Variants in ENTREP2 observed in about 807,000 individuals in gnomAD.
ENTREP2 encodes the protein protein ENTREP2.
At chr15:29,454,523 C>A in the ENTREP2 span, among the ~76,000 whole-genome samples, 1 of 152,224 alleles carries the variant, frequency 6.6e-6, no homozygotes, top group African/African-American at 2.4e-5. Context: ...ATCTCAGTGA[C>A]CCTCTCTTTG....
the ENTREP2 span, among the ~76,000 whole-genome samples, chr15:29,358,122 G>A: frequency 1.3e-5 from 2 of 152,092 alleles, no homozygotes; most frequent in Non-Finnish European, 2.9e-5. Flanking sequence ...GAGGAGACGG[G>A]CATTTAAACA....
the ENTREP2 span, among the ~76,000 whole-genome samples, chr15:29,520,339 A>G: frequency 6.6e-6 from 1 of 152,242 alleles, no homozygotes; most frequent in Non-Finnish European, 1.5e-5. Context: ...AGTCTCAACT[A>G]AAGCTGACCA....
At chr15:29,136,664 G>GTT in the ENTREP2 span, among the ~76,000 whole-genome samples, 12 of 134,732 alleles carry the variant, frequency 8.9e-5, no homozygotes, top group Non-Finnish European at 1.5e-4. Flanking sequence ...TTGCACTTTT[G>GTT]TTTTTTTTTT....
the ENTREP2 span, among the ~76,000 whole-genome samples, chr15:29,397,817 G>A: frequency 6.6e-6 from 1 of 152,096 alleles, no homozygotes; most frequent in Non-Finnish European, 1.5e-5. Context: ...AAAAAAGGGG[G>A]AACTTCCAAA....
chr15:29,663,900 C>A, the ENTREP2 span, among the ~76,000 whole-genome samples: 4 of 151,934 alleles, frequency 2.6e-5, no homozygotes, highest in African/African-American at 9.7e-5. Flanking sequence ...TGATGGTGTG[C>A]GACTGTAATC....
chr15:29,179,971 G>A, the ENTREP2 span, among the ~76,000 whole-genome samples: 71 of 152,190 alleles, frequency 4.7e-4, no homozygotes, highest in Non-Finnish European at 7.5e-4. Flanking sequence ...AGGATGGTGT[G>A]CTCAATACAG....
chr15:29,377,840 A>C, the ENTREP2 span, among the ~76,000 whole-genome samples: 1 of 135,854 alleles, frequency 7.4e-6, no homozygotes, highest in East Asian at 2.1e-4. Context: ...AATAATAATA[A>C]TAATAATAAT....
At chr15:29,634,255 T>C in the ENTREP2 span, among the ~76,000 whole-genome samples, 1 of 152,116 alleles carries the variant, frequency 6.6e-6, no homozygotes, top group Non-Finnish European at 1.5e-5. Flanking sequence ...TTTACCCCAC[T>C]TGCCCTGTGG....
chr15:29,308,951 A>T, the ENTREP2 span, among the ~76,000 whole-genome samples: 1 of 152,150 alleles, frequency 6.6e-6, no homozygotes, highest in East Asian at 1.9e-4. Context: ...CAGCCTCCCC[A>T]CACAGTGTAC....
chr15:29,656,490 G>A, the ENTREP2 span, among the ~76,000 whole-genome samples: 365 of 152,294 alleles, frequency 2.4e-3, no homozygotes, highest in Non-Finnish European at 4.1e-3. Context: ...GCCTCCCAAA[G>A]TGCTACAATT....
At chr15:29,263,722 A>T in the ENTREP2 span, among the ~76,000 whole-genome samples, 1 of 152,182 alleles carries the variant, frequency 6.6e-6, no homozygotes, top group African/African-American at 2.4e-5. Flanking sequence ...TAACTTCATC[A>T]CCTAGAGGGC....
chr15:29,378,774 G>T, the ENTREP2 span, among the ~76,000 whole-genome samples: 1 of 151,770 alleles, frequency 6.6e-6, no homozygotes, highest in African/African-American at 2.4e-5. Context: ...TTATAACCTA[G>T]ATATATATAT....
the ENTREP2 span, among the ~76,000 whole-genome samples, chr15:29,479,835 T>A: frequency 6.6e-6 from 1 of 152,028 alleles, no homozygotes; most frequent in South Asian, 2.1e-4. Context: ...AGAGAAAGGA[T>A]GTGAGGTCTG....
At chr15:29,564,286 A>C in the ENTREP2 span, among the ~76,000 whole-genome samples, 1 of 152,196 alleles carries the variant, frequency 6.6e-6, no homozygotes, top group Non-Finnish European at 1.5e-5. Context: ...CAGCTCTAGA[A>C]CTTTGAAGTC....
chr15:29,646,668 C>T, the ENTREP2 span, among the ~76,000 whole-genome samples: 4 of 152,128 alleles, frequency 2.6e-5, no homozygotes, highest in South Asian at 2.1e-4. Flanking sequence ...GTTCAGCTGA[C>T]TTGGGAACTT....
the ENTREP2 span, among the ~76,000 whole-genome samples, chr15:29,620,791 G>A: frequency 6.6e-6 from 1 of 152,084 alleles, no homozygotes; most frequent in Non-Finnish European, 1.5e-5. Flanking sequence ...GCTTTGCTTG[G>A]GCAGACAGAG....
chr15:29,383,376 G>A, the ENTREP2 span, among the ~76,000 whole-genome samples: 1 of 152,182 alleles, frequency 6.6e-6, no homozygotes, highest in African/African-American at 2.4e-5. Context: ...CGAAATCCTG[G>A]AGATCTTTCC....
At chr15:29,625,409 T>C in the ENTREP2 span, among the ~76,000 whole-genome samples, 1 of 152,204 alleles carries the variant, frequency 6.6e-6, no homozygotes, top group South Asian at 2.1e-4. Context: ...TGTTGTTCTC[T>C]TTTTGAGATG....
the ENTREP2 span, among the ~76,000 whole-genome samples, chr15:29,503,421 C>G: frequency 6.6e-6 from 1 of 151,954 alleles, no homozygotes; most frequent in Non-Finnish European, 1.5e-5. Context: ...ATTTGAGGTG[C>G]CAAGGGTTAG....
Sources: allele counts gnomAD v4.1 joint callset (sites outside exome capture counted in the v4.1 genomes callset), GRCh38; gene constraint gnomAD v4.1.1; transcripts MANE v1.5; gene names NCBI Gene and HGNC (gene_info 2026-07-23, HGNC 2026-07-21).